The following XXYLT1 variants were observed in gnomAD, a reference collection of about 807,000 sequenced individuals.
The protein encoded by XXYLT1 is xyloside xylosyltransferase 1.
XXYLT1 carries 20 observed loss-of-function variants against 28.9 expected under a neutral mutation model. The ratio of observed to expected loss-of-function variants is 0.69; its 90% CI spans 0.49 to 1.00. The LOEUF (loss-of-function observed/expected upper bound fraction) is 1.00. Among genes scored for constraint, XXYLT1 ranks in the 50% least tolerant of loss-of-function variants. XXYLT1 has a pLI of 0.00. For missense variants in XXYLT1, 542 were observed against 560.1 expected (o/e 0.97, Z 0.33); for synonymous variants, 257 against 253.8 (o/e 1.01, Z -0.12).
At chr3:195,142,330 G>C (rs954667136) in intron 3 of XXYLT1, among the ~76,000 whole-genome samples, 1 of 152,184 alleles carries the variant, frequency 6.6e-6, no homozygotes, top group African/African-American at 2.4e-5. Flanking sequence ...TGGGCAGGCA[G>C]ATCTAGAAAA....
At chr3:195,189,235 T>C (rs1233130342) in intron 2 of XXYLT1, among the ~76,000 whole-genome samples, 3 of 152,146 alleles carry the variant, frequency 2.0e-5, no homozygotes, top group African/African-American at 7.2e-5. Context: ...AAAAACCAAA[T>C]TATTAAAATA....
At chr3:195,121,430 T>TCATA (rs1718355924) in intron 3 of XXYLT1, among the ~76,000 whole-genome samples, 1 of 152,158 alleles carries the variant, frequency 6.6e-6, no homozygotes, top group Non-Finnish European at 1.5e-5. Context: ...CTTTTGGCCT[T>TCATA]CATACCCTCC....
chr3:195,088,987 A>G (rs1231359529), intron 3 of XXYLT1, among the ~76,000 whole-genome samples: 1 of 152,216 alleles, frequency 6.6e-6, no homozygotes, highest in African/African-American at 2.4e-5. Flanking sequence ...AAAACAATAA[A>G]AAGAAATGAG....
intron 3 of XXYLT1, among the ~76,000 whole-genome samples, chr3:195,138,672 T>C (rs560155426): frequency 6.6e-6 from 1 of 152,076 alleles, no homozygotes; most frequent in South Asian, 2.1e-4. Context: ...CTGGTCAGCA[T>C]GGTGAAACCC....
chr3:195,155,584 T>TGCATGCAAACATGAAGCTA (rs1428824632), intron 3 of XXYLT1, among the ~76,000 whole-genome samples: 1 of 150,838 alleles, frequency 6.6e-6, no homozygotes, highest in African/African-American at 2.5e-5. Flanking sequence ...CACAAAAAAG[T>TGCATGCAAACATGAAGCTA]GCATGCAAAC....
intron 1 of XXYLT1, among the ~76,000 whole-genome samples, chr3:195,268,659 AATCACTGACATCT>A (rs1412796693): frequency 1.3e-5 from 2 of 151,872 alleles, no homozygotes; most frequent in Non-Finnish European, 2.9e-5. Flanking sequence ...CCCCTTATCC[AATCACTGACATCT>A]GGCTAGAAGT....
chr3:195,170,101 C>T lies in XXYLT1; in HGVS notation c.653-13520G>A, dbSNP rs186532986. Among the ~76,000 whole-genome samples the T allele has an allele frequency of 1.0e-3, 154 of 152,102 alleles. 5 individuals are homozygous for T. Among genetic ancestry groups the T allele is most frequent in the Admixed American group, 9.6e-3 (147 of 15,288 alleles). ...CCCAATCTCAGTGATCCGCCAGCCT[C>T]GGCCTCCCAAAGTGCTGGAATTACA... On this transcript the variant is annotated intron_variant, in intron 2 of 3. Transcript: ENST00000310380.
At position 195,255,268 on chromosome 3, in the gene XXYLT1, G is replaced by A. The variant is rs11915519; in HGVS notation, c.504+15287C>T. Among the ~76,000 whole-genome samples the A allele has an allele frequency of 5.8e-3, 890 of 152,324 alleles. 15 individuals are homozygous for A. The highest frequency in any genetic ancestry group is 0.02 in the African/African-American group (852 of 41,568). On this transcript the variant is annotated intron_variant, in intron 1 of 3. Coordinates refer to ENST00000310380, the MANE Select transcript of XXYLT1 (RefSeq NM_152531.5). The surrounding 1 kb of genome is among the most constrained non-coding windows in gnomAD (Gnocchi z 4.5). ...GCCTGGAGATCCCTGTGACAGTCACGGCAGGACTGGGGCTGCAGGAGTGCA... is the reference window on the plus strand; with the variant it reads ...GCCTGGAGATCCCTGTGACAGTCACAGCAGGACTGGGGCTGCAGGAGTGCA...
In XXYLT1 at chr3:195,168,561, G is replaced by A. The variant is rs545162707; in HGVS notation, c.653-11980C>T. On this transcript the variant is annotated intron_variant, in intron 2 of 3. Coordinates refer to ENST00000310380, the MANE Select transcript of XXYLT1 (RefSeq NM_152531.5). This position sits in a 1 kb window ranked among gnomAD's most constrained non-coding sequence, Gnocchi z 4.3. ...AGCAGCCCTGCTCCCCAGTCACCCAGCAAGCATGGGCAGGCCCTGCTGAGA... is the reference window on the plus strand; with the variant it reads ...AGCAGCCCTGCTCCCCAGTCACCCAACAAGCATGGGCAGGCCCTGCTGAGA... Among the ~76,000 whole-genome samples, 2 of 152,296 alleles carry A rather than the reference G, an allele frequency of 1.3e-5. No homozygotes were observed. Among genetic ancestry groups the A allele is most frequent in the East Asian group, 3.9e-4 (2 of 5,182 alleles).
chr3:195,169,659 C>G (rs1001669676), intron 2 of XXYLT1, among the ~76,000 whole-genome samples: 1 of 152,108 alleles, frequency 6.6e-6, no homozygotes, highest in Non-Finnish European at 1.5e-5. Context: ...TAGCCCCCCC[C>G]ATAAGTAAAG....
chr3:195,265,616 C>T lies in XXYLT1; in HGVS notation c.504+4939G>A, dbSNP rs537216354. Among the ~76,000 whole-genome samples the T allele has an allele frequency of 1.6e-4, 25 of 152,294 alleles. No individual in the cohort carries two copies. In the South Asian group the frequency reaches 4.6e-3, roughly 28 times the overall value. On this transcript the variant is annotated intron_variant, in intron 1 of 3. Coordinates refer to ENST00000310380, the MANE Select transcript of XXYLT1 (RefSeq NM_152531.5). ...GGGGAAGGAGAGGAGACATGAGAGGCGCCTTGAGGCCTGTTCACTGTGATC... is the reference window on the plus strand; with the variant it reads ...GGGGAAGGAGAGGAGACATGAGAGGTGCCTTGAGGCCTGTTCACTGTGATC...
At chr3:195,122,335 G>A (rs950839570) in intron 3 of XXYLT1, 7 of 601,684 alleles carry the variant, frequency 1.2e-5, no homozygotes, top group South Asian at 7.9e-5. Flanking sequence ...GGTTAAAAAC[G>A]CAGATGGGAA....
chr3:195,155,009 G>A lies in XXYLT1; in HGVS notation c.785+1440C>T, dbSNP rs540022309. On this transcript the variant is annotated intron_variant, in intron 3 of 3. Coordinates refer to ENST00000310380, the MANE Select transcript of XXYLT1 (RefSeq NM_152531.5). ...GAGTCTTCTACAGTTAAGATGGCAG[G>A]TGTCTGCCCAAACCCTCTCAAGTCG... Among the ~76,000 whole-genome samples, 4 of 152,304 alleles carry A rather than the reference G, an allele frequency of 2.6e-5. No individual in the cohort carries two copies. The South Asian group carries it at 8.3e-4, about 32-fold the overall frequency.
intron 2 of XXYLT1, among the ~76,000 whole-genome samples, chr3:195,224,577 C>T (rs1364681954): frequency 6.6e-6 from 1 of 152,210 alleles, no homozygotes; most frequent in Non-Finnish European, 1.5e-5. Context: ...TGACAAACCA[C>T]GAGGAGCTGT....
intron 3 of XXYLT1, among the ~76,000 whole-genome samples, chr3:195,107,806 G>A (rs4079352): frequency 0.47 from 71,471 of 151,160 alleles, 18,223 homozygotes; most frequent in Non-Finnish European, 0.56. Flanking sequence ...GCCTCATGAG[G>A]CCAACTTGGT....
At chr3:195,178,695 G>C (rs910411912) in intron 2 of XXYLT1, among the ~76,000 whole-genome samples, 1 of 152,148 alleles carries the variant, frequency 6.6e-6, no homozygotes. Context: ...CCTGGGCCCC[G>C]TACTTGAGGG....
In XXYLT1 at chr3:195,115,897, C is replaced by T. The variant is rs549877232; in HGVS notation, c.785+40552G>A. On this transcript the variant is annotated intron_variant, in intron 3 of 3. Transcript: ENST00000310380. The surrounding 1 kb of genome is among the most constrained non-coding windows in gnomAD (Gnocchi z 4.2). ...GTCCTCAGGCTCAGGAGACAAAGAC[C>T]GAGGACAGGTGACAGGGACAGTGAT... 2.0e-5 allele frequency among the ~76,000 whole-genome samples: 3 copies of T among 152,206 alleles called. No individual in the cohort carries two copies. The highest frequency in any genetic ancestry group is 6.5e-5 in the Admixed American group (1 of 15,286).
At position 195,102,063 on chromosome 3, in the gene XXYLT1, G is replaced by T. The variant is rs1178225988; in HGVS notation, c.786-31952C>A. 5.9e-5 allele frequency among the ~76,000 whole-genome samples: 6 copies of T among 102,444 alleles called. No individual in the cohort carries two copies. The East Asian group carries it at 1.7e-3, about 29-fold the overall frequency. The allele number at this position is 102,444 out of a possible 152,430, so 67.2% of individuals were successfully genotyped here. On this transcript the variant is annotated intron_variant, in intron 3 of 3. Coordinates refer to ENST00000310380, the MANE Select transcript of XXYLT1 (RefSeq NM_152531.5). ...AGAGGAAGGGAGGAGAGGAGGAATG[G>T]AAGGAGGAAGGGAAGGGAAAGGGAG...
chr3:195,172,921 GGTGA>G (rs1043836132), intron 2 of XXYLT1, among the ~76,000 whole-genome samples: 2 of 152,186 alleles, frequency 1.3e-5, no homozygotes, highest in African/African-American at 4.8e-5. Flanking sequence ...TTGGAGCATG[GGTGA>G]GTGAGGAAGA....
Sources: gnomAD v4.1 joint callset for allele counts (sites outside exome capture counted in the v4.1 genomes callset) on GRCh38, gnomAD v4.1.1 for gene constraint, Gnocchi (gnomAD v3.1) non-coding constraint, MANE v1.5 for transcripts, NCBI Gene and HGNC (gene_info 2026-07-23, HGNC 2026-07-21) for gene names.